The following BTD variants were observed in gnomAD, a reference collection of about 807,000 sequenced individuals.
BTD encodes the protein biotinidase.
Under a neutral mutation model 17.7 loss-of-function variants are expected in BTD, and 13 were observed. The ratio of observed to expected loss-of-function variants is 0.74; its 90% CI spans 0.48 to 1.17. BTD has a LOEUF of 1.17. BTD is among the 50% of genes most tolerant of loss of function. BTD has a pLI of 0.00. For missense variants in BTD, 674 were observed against 650.4 expected, an observed-to-expected ratio of 1.04 and a Z score of -0.39; for synonymous variants, 240 against 245.2, an observed-to-expected ratio of 0.98 and a Z score of 0.20.
chr3:15,678,577 T>C (rs929827209), intron 3 of BTD, among the ~76,000 whole-genome samples: 2 of 152,166 alleles, frequency 1.3e-5, no homozygotes, highest in African/African-American at 4.8e-5. Context: ...AGAACTAGTA[T>C]GAAGTAAAGA....
downstream of BTD, among the ~76,000 whole-genome samples, chr3:15,656,631 T>G (rs1254759442): frequency 6.6e-6 from 1 of 152,194 alleles, no homozygotes; most frequent in Non-Finnish European, 1.5e-5. Context: ...TCCTAGAGCA[T>G]TTTTATATCC....
chr3:15,663,550 A>G (rs2065947203), intron 3 of BTD, among the ~76,000 whole-genome samples: 1 of 152,118 alleles, frequency 6.6e-6, no homozygotes, highest in Non-Finnish European at 1.5e-5. Context: ...TCTTGTGTAC[A>G]TTTTGGCAAA....
intron 2 of BTD, among the ~76,000 whole-genome samples, chr3:15,639,649 A>G (rs2065446745): frequency 6.6e-6 from 1 of 152,206 alleles, no homozygotes; most frequent in African/African-American, 2.4e-5. Context: ...CCCTAGTATA[A>G]TTTGGAAAGG....
chr3:15,686,999 A>C (rs2068205772), intron 3 of BTD, among the ~76,000 whole-genome samples: 1 of 148,688 alleles, frequency 6.7e-6, no homozygotes, highest in East Asian at 2.0e-4. Flanking sequence ...GCTGGAGTGT[A>C]GTGGTGTGAT....
intron 1 of BTD, among the ~76,000 whole-genome samples, chr3:15,614,281 G>A (rs916203494): frequency 6.6e-6 from 1 of 151,760 alleles, no homozygotes; most frequent in African/African-American, 2.4e-5. Context: ...ACACCACCAT[G>A]CCCAGCTAAT....
intron 3 of BTD, chr3:15,675,924 G>C: frequency 6.2e-7 from 1 of 1,612,846 alleles, no homozygotes. Context: ...AAGCACACTT[G>C]CTCCTTTTCC....
chr3:15,662,238 T>C (rs1456916128), intron 3 of BTD, among the ~76,000 whole-genome samples: 1 of 152,256 alleles, frequency 6.6e-6, no homozygotes. Flanking sequence ...AATAGTCTTT[T>C]TATTCATGAA....
intron 3 of BTD, among the ~76,000 whole-genome samples, chr3:15,695,439 AT>A (rs1279195676): frequency 6.6e-6 from 1 of 152,118 alleles, no homozygotes; most frequent in Admixed American, 6.5e-5. Flanking sequence ...GAAAATAGTT[AT>A]TTTTGTAGCA....
rs1347536564 is a variant in BTD, at chr3:15,649,959, T to C, written c.*4471T>C. On this transcript the variant is annotated 3_prime_UTR_variant, in exon 4 of 4. Coordinates refer to ENST00000643237, the MANE Select transcript of BTD (RefSeq NM_001370658.1). ...AGGTTTGCTACAGCTATTTTACAGA[T>C]GGGGAAAACTGACAGAGAGATATTA... 1.3e-5 allele frequency among the ~76,000 whole-genome samples: 2 copies of C among 152,208 alleles called. No individual in the cohort carries two copies. The highest frequency in any genetic ancestry group is 4.8e-5 in the African/African-American group (2 of 41,460).
At chr3:15,674,631 A>G (rs1468194022) in intron 3 of BTD, among the ~76,000 whole-genome samples, 1 of 152,204 alleles carries the variant, frequency 6.6e-6, no homozygotes, top group East Asian at 1.9e-4. Flanking sequence ...GTAGTATTTA[A>G]AACCAAAGGA....
intron 1 of BTD, chr3:15,606,909 A>G (rs1477952104): frequency 6.7e-6 from 1 of 148,372 alleles, no homozygotes; most frequent in African/African-American, 2.5e-5. Context: ...TTAAAACATT[A>G]TGAGATTTAT....
Position 15,642,021 on chromosome 3 carries a change from C to T in BTD, c.363C>T (p.Asn121=). 1 of 1,614,158 alleles carries T rather than the reference C, an allele frequency of 6.2e-7. No individual in the cohort carries two copies. Among genetic ancestry groups the T allele is most frequent in the Admixed American group, 1.7e-5 (1 of 60,026 alleles). Residue 121 remains asparagine (N), a synonymous_variant, in exon 3 of 4, where the codon AAC becomes AAT. Transcript: ENST00000643237. ...FMPSPQVVRW[N]PCLEPHRFND... The stretch of plus-strand genomic sequence containing the variant: ...CGTCTCCCCAGGTGGTCAGGTGGAA[C>T]CCATGCCTGGAGCCTCACCGCTTCA...
At position 15,645,459 on chromosome 3, in the gene BTD, C is replaced by T. The variant is rs771537277; in HGVS notation, c.1543C>T (p.Leu515Phe). The stretch of plus-strand genomic sequence containing the variant: ...GTCCTCTGGGCTGGTGACGGCGGCT[C>T]TCTATGGGCGCTTGTATGAGAGGGA... ...RLSSGLVTAA[L>F]YGRLYERD Residue 515 changes from leucine to phenylalanine, a missense_variant, in exon 4 of 4, where the codon CTC becomes TTC. By Grantham distance (22) the Leu-to-Phe change is conservative (BLOSUM62 0). Coordinates refer to ENST00000643237, the MANE Select transcript of BTD (RefSeq NM_001370658.1). 2 of 1,610,682 alleles carry T rather than the reference C, an allele frequency of 1.2e-6. No homozygotes were observed. Among genetic ancestry groups the T allele is most frequent in the Non-Finnish European group, 1.7e-6 (2 of 1,180,016 alleles).
intron 3 of BTD, chr3:15,708,105 G>A (rs1481028482): frequency 1.3e-6 from 2 of 1,560,338 alleles, no homozygotes; most frequent in African/African-American, 2.7e-5. Flanking sequence ...AAAAGCCAGA[G>A]ACATAACTAG....
At chr3:15,655,504 C>T (rs749598496), downstream of BTD, among the ~76,000 whole-genome samples, 3 of 152,106 alleles carry the variant, frequency 2.0e-5, no homozygotes, top group Non-Finnish European at 4.4e-5. Context: ...AGATTTATTC[C>T]TACAAATTTA....
rs148117382 is a variant in BTD, at chr3:15,661,854, A to G, written c.399+19797A>G. Among the ~76,000 whole-genome samples, 558 of 152,306 alleles carry G rather than the reference A, an allele frequency of 3.7e-3. 7 individuals carry two copies. Among genetic ancestry groups the G allele is most frequent in the Admixed American group, 6.1e-3 (93 of 15,292 alleles). On this transcript the variant is annotated intron_variant, in intron 3 of 3. Coordinates refer to the BTD transcript ENST00000672141. ...TCACTTTTTGCATGTAGTTGTCTTA[A>G]TTATTCCAGCACCATTTGTTGAAAA... is the stretch of plus-strand genomic sequence containing the variant.
Position 15,645,815 on chromosome 3 carries a change from T to G in BTD, c.*327T>G. 1 of 227,098 alleles carries G rather than the reference T, an allele frequency of 4.4e-6. No homozygotes were observed. Among genetic ancestry groups the G allele is most frequent in the Non-Finnish European group, 8.6e-6 (1 of 116,126 alleles). The allele number at this position is 227,098 out of a possible 1,614,324, so 14.1% of individuals were successfully genotyped here. ...TAAATGTCAGTTTATATTTTACACA[T>G]CCACAAAGCAGTGGCTTGGGGTTTT... On this transcript the variant is annotated 3_prime_UTR_variant, in exon 4 of 4. Transcript: ENST00000643237.
chr3:15,637,283 G>T (rs946692381), intron 2 of BTD, among the ~76,000 whole-genome samples: 1 of 151,944 alleles, frequency 6.6e-6, no homozygotes, highest in Non-Finnish European at 1.5e-5. Context: ...TCTAATAAGG[G>T]CAGGGTAGAG....
At chr3:15,675,884 T>C in intron 3 of BTD, 9 of 1,595,528 alleles carry the variant, frequency 5.6e-6, no homozygotes, top group Non-Finnish European at 7.7e-6. Context: ...GAAGAGAATA[T>C]AGAACCAACT....
Sources: allele counts gnomAD v4.1 joint callset (sites outside exome capture counted in the v4.1 genomes callset), GRCh38; gene constraint gnomAD v4.1.1; transcripts MANE v1.5; gene names NCBI Gene and HGNC (gene_info 2026-07-23, HGNC 2026-07-21).